GABRB1: variants seen among roughly 807,000 people sequenced by gnomAD.
GABRB1 encodes the protein gamma-aminobutyric acid receptor subunit beta-1.
Under a neutral mutation model 51.6 loss-of-function variants are expected in GABRB1, and 17 were observed. The observed-to-expected ratio is 0.33, with a 90% CI of 0.23 to 0.49. The LOEUF is 0.49. Among genes scored for constraint, GABRB1 ranks in the 20% least tolerant of loss-of-function variants. The pLI, the probability that GABRB1 is intolerant of heterozygous loss-of-function variation, is 0.99. For synonymous variants in GABRB1, 247 were observed against 218.9 expected, an observed-to-expected ratio of 1.13 and a Z score of -1.14; for missense variants, 410 against 600.6, an observed-to-expected ratio of 0.68 and a Z score of 3.32.
chr4:47,142,050 C>T (rs1277689560), intron 3 of GABRB1, among the ~76,000 whole-genome samples: 1 of 151,758 alleles, frequency 6.6e-6, no homozygotes. Flanking sequence ...CCTAAGGGAG[C>T]CTACACTACA....
At chr4:47,397,348 C>T (rs1481754141) in intron 5 of GABRB1, among the ~76,000 whole-genome samples, 3 of 152,186 alleles carry the variant, frequency 2.0e-5, no homozygotes, top group African/African-American at 4.8e-5. Context: ...CAAGTAATTT[C>T]TCAGCCAGCA....
At chr4:47,060,114 C>A (rs960096835) in intron 3 of GABRB1, among the ~76,000 whole-genome samples, 1 of 152,136 alleles carries the variant, frequency 6.6e-6, no homozygotes, top group Non-Finnish European at 1.5e-5. Context: ...AAATGGATGA[C>A]AAAGTGTTCC....
chr4:47,204,655 T>A (rs1720045014), intron 4 of GABRB1, among the ~76,000 whole-genome samples: 2 of 152,112 alleles, frequency 1.3e-5, no homozygotes, highest in South Asian at 4.1e-4. Context: ...CCTATTCTCA[T>A]AGTGAATGGG....
At chr4:47,036,278 C>G (rs1423430158) in intron 3 of GABRB1, among the ~76,000 whole-genome samples, 3 of 152,294 alleles carry the variant, frequency 2.0e-5, no homozygotes, top group East Asian at 1.9e-4. Context: ...ATATTAGACT[C>G]TGGAAGTTTC....
chr4:47,092,146 T>G (rs1413228002), intron 3 of GABRB1, among the ~76,000 whole-genome samples: 1 of 77,612 alleles, frequency 1.3e-5, no homozygotes, highest in African/African-American at 3.6e-5. Flanking sequence ...TTTCTTTTTC[T>G]TTCTTTCTTT....
chr4:47,261,182 G>T (rs936530252), intron 4 of GABRB1, among the ~76,000 whole-genome samples: 10 of 152,188 alleles, frequency 6.6e-5, no homozygotes, highest in African/African-American at 1.9e-4. Context: ...TCCACATAGA[G>T]TTGGAAGTTC....
At chr4:47,217,201 G>A (rs1720586724) in intron 4 of GABRB1, among the ~76,000 whole-genome samples, 1 of 151,880 alleles carries the variant, frequency 6.6e-6, no homozygotes, top group African/African-American at 2.4e-5. Context: ...TTCCAGAAAT[G>A]GAAGAATAGC....
intron 3 of GABRB1, among the ~76,000 whole-genome samples, chr4:47,148,731 T>C (rs1577952016): frequency 6.6e-6 from 1 of 151,588 alleles, no homozygotes; most frequent in African/African-American, 2.4e-5. Context: ...AATTGATTTG[T>C]ATCTAGTATC....
chr4:47,165,609 T>C (rs954525316), intron 4 of GABRB1, among the ~76,000 whole-genome samples: 2 of 152,160 alleles, frequency 1.3e-5, no homozygotes, highest in Non-Finnish European at 2.9e-5. Context: ...TTCTTCTGTC[T>C]TTTTGTTATT....
Position 47,124,448 on chromosome 4 carries a change from C to G in GABRB1, c.241-36801C>G, listed in dbSNP as rs536685082. Among the ~76,000 whole-genome samples, 4 of 152,228 alleles carry G rather than the reference C, an allele frequency of 2.6e-5. No homozygotes were observed. The East Asian group carries it at 7.7e-4, about 29-fold the overall frequency. On this transcript the variant is annotated intron_variant, in intron 3 of 8. Transcript: ENST00000295454. ...ACACAAACATCAACACAAGACTACA[C>G]AATTTAAGAAGAATCAGGCAAATAT...
intron 4 of GABRB1, among the ~76,000 whole-genome samples, chr4:47,172,545 A>G (rs1718482104): frequency 6.6e-6 from 1 of 151,904 alleles, no homozygotes; most frequent in African/African-American, 2.4e-5. Flanking sequence ...CCTTTCCAGC[A>G]CATGCAGTTC....
intron 5 of GABRB1, among the ~76,000 whole-genome samples, chr4:47,339,541 ATGTGTGTG>A (rs34390361): frequency 3.4e-5 from 5 of 148,360 alleles, no homozygotes; most frequent in African/African-American, 9.9e-5. Context: ...ATGTGTGCAT[ATGTGTGTG>A]TGTGTGTGTG....
chr4:47,235,975 G>T (rs1721317781), intron 4 of GABRB1, among the ~76,000 whole-genome samples: 1 of 151,862 alleles, frequency 6.6e-6, no homozygotes, highest in Admixed American at 6.6e-5. Flanking sequence ...CATTTAAAAT[G>T]GATTGAAGTG....
chr4:47,182,338 T>G (rs1289399341), intron 4 of GABRB1, among the ~76,000 whole-genome samples: 1 of 151,936 alleles, frequency 6.6e-6, no homozygotes, highest in African/African-American at 2.4e-5. Flanking sequence ...GGTTTCACAC[T>G]GCAGAAAAAA....
At chr4:47,356,585 G>A (rs772759441) in intron 5 of GABRB1, among the ~76,000 whole-genome samples, 35 of 152,142 alleles carry the variant, frequency 2.3e-4, no homozygotes, top group Non-Finnish European at 3.5e-4. Context: ...AGTATGTACC[G>A]TAGGTAAAAT....
At position 47,426,222 on chromosome 4, in the gene GABRB1, C is replaced by G. The variant is rs192098838; in HGVS notation, c.*204C>G. On this transcript the variant is annotated 3_prime_UTR_variant, in exon 9 of 9. Transcript: ENST00000295454. Reference sequence around the variant, plus strand: ...AAAAAAAATTATTTTTCCAGTCTACCGTGGTCCAGGTTATCAGCTCTTTAA... The same window carrying G: ...AAAAAAAATTATTTTTCCAGTCTACGGTGGTCCAGGTTATCAGCTCTTTAA... The G allele has an allele frequency of 6.5e-5, 28 of 433,220 alleles. No individual in the cohort carries two copies. The highest frequency in any genetic ancestry group is 9.7e-5 in the Non-Finnish European group (24 of 246,798). The allele number at this position is 433,220 out of a possible 1,614,324, so 26.8% of individuals were successfully genotyped here. A position where few individuals can be genotyped will look rare whatever the true frequency, so the allele number is the denominator to read the frequency against.
chr4:47,263,567 G>A (rs551069911), intron 4 of GABRB1, among the ~76,000 whole-genome samples: 1 of 152,114 alleles, frequency 6.6e-6, no homozygotes, highest in Admixed American at 6.6e-5. Flanking sequence ...TAAACACAGA[G>A]GAGTGAATAC....
At chr4:47,225,296 T>G (rs1367545508) in intron 4 of GABRB1, among the ~76,000 whole-genome samples, 3 of 152,110 alleles carry the variant, frequency 2.0e-5, no homozygotes, top group Non-Finnish European at 4.4e-5. Context: ...CAGAACTTTG[T>G]GAGGATATGC....
chr4:47,200,771 C>T (rs1398345354), intron 4 of GABRB1, among the ~76,000 whole-genome samples: 2 of 152,152 alleles, frequency 1.3e-5, no homozygotes, highest in African/African-American at 4.8e-5. Context: ...ACAACTTTAG[C>T]TCATGTTGTC....
Sources: allele counts gnomAD v4.1 joint callset (sites outside exome capture counted in the v4.1 genomes callset), GRCh38; gene constraint gnomAD v4.1.1; transcripts MANE v1.5; gene names NCBI Gene and HGNC (gene_info 2026-07-23, HGNC 2026-07-21).